The following TDRD9 variants were observed in gnomAD, a reference collection of about 807,000 sequenced individuals.
TDRD9 encodes the protein ATP-dependent RNA helicase TDRD9.
TDRD9 carries 124 observed loss-of-function variants against 172.6 expected under a neutral mutation model. That is an observed-to-expected ratio of 0.72 (90% confidence interval 0.62 to 0.83). The LOEUF (loss-of-function observed/expected upper bound fraction) is 0.83. TDRD9 is among the 40% of genes least tolerant of loss of function. The pLI is 0.00. For synonymous variants in TDRD9, 619 were observed against 617.1 expected (o/e 1.00, Z -0.05); for missense variants, 1,479 against 1,714.1 (o/e 0.86, Z 2.42).
At chr14:104,007,042 G>GA in intron 18 of TDRD9, 118 bp from the exon 19 acceptor site, 8 of 1,165,462 alleles carry the variant, frequency 6.9e-6, no homozygotes, top group Non-Finnish European at 9.7e-6. Context: ...GAAATTGATT[G>GA]AAAAAATTAA....
Position 104,041,258 on chromosome 14 carries a change from A to C in TDRD9, c.3856-811A>C, listed in dbSNP as rs74587883. Among the ~76,000 whole-genome samples, 99 of 152,342 alleles carry C rather than the reference A, an allele frequency of 6.5e-4. 2 individuals carry two copies. The East Asian group carries it at 0.018, about 28-fold the overall frequency. ...CCTTAAGCCATAGACCTAATGGGAA[A>C]ATGTAAAACTATTAAAGTGCTACAA... On this transcript the variant is annotated intron_variant, in intron 33 of 35. Coordinates refer to ENST00000409874, the MANE Select transcript of TDRD9 (RefSeq NM_153046.3).
intron 1 of TDRD9, among the ~76,000 whole-genome samples, chr14:103,937,869 A>ATTTTTTTTTTTTTTTTTTTTTTTTTTT (rs2030877082): frequency 7.6e-6 from 1 of 130,756 alleles, no homozygotes; most frequent in African/African-American, 2.8e-5. Flanking sequence ...TTTTTTTTTA[A>ATTTTTTTTTTTTTTTTTTTTTTTTTTT]TTTTCTTTTT....
rs1566748818 is a variant in TDRD9, at chr14:103,970,631, AT to A, written c.846+13del. 4 of 1,525,622 alleles carry A rather than the reference AT, an allele frequency of 2.6e-6. No individual in the cohort carries two copies. The South Asian group carries it at 3.6e-5, about 14-fold the overall frequency. 94.5% of individuals were successfully genotyped at this position (1,525,622 alleles called of 1,614,324 possible). On this transcript the variant is annotated intron_variant, in intron 6 of 35. Transcript: ENST00000409874. ...TTCACGTTTTGTGAAGGTAAATTTG[AT>A]TTCATGAGTAACAGACATATTTAGG...
At chr14:103,985,794 G>T (rs756736479) in intron 7 of TDRD9, among the ~76,000 whole-genome samples, 1 of 152,174 alleles carries the variant, frequency 6.6e-6, no homozygotes, top group Non-Finnish European at 1.5e-5. Context: ...CTTTTCACAC[G>T]TGAAATCTTA....
chr14:103,953,885 T>G (rs1175986080), intron 1 of TDRD9, among the ~76,000 whole-genome samples: 3 of 152,204 alleles, frequency 2.0e-5, no homozygotes, highest in Non-Finnish European at 4.4e-5. Context: ...GAGGCAGGTC[T>G]TCTTTACTCA....
Position 103,928,578 on chromosome 14 carries a change from G to A in TDRD9, c.69G>A (p.Val23=), listed in dbSNP as rs1223970860. 1.5e-6 allele frequency: 2 copies of A among 1,370,250 alleles called. No individual in the cohort carries two copies. The highest frequency in any genetic ancestry group is 1.5e-5 in the South Asian group (1 of 65,250). The allele number at this position is 1,370,250 out of a possible 1,614,324, so 84.9% of individuals were successfully genotyped here. A position where few individuals can be genotyped will look rare whatever the true frequency, so the allele number is the denominator to read the frequency against. The change falls in exon 1 of 36, where the codon GTG becomes GTA. Residue 23 remains valine (V), a synonymous_variant. Transcript: ENST00000409874. ...WFTIGKTVTN[V]ELLGAPPAFP... is the part of the protein sequence containing the mutation. ...CCATCGGCAAGACGGTGACCAATGT[G>A]GAGCTGCTGGGCGCGCCGCCCGCCT...
chr14:104,023,810 G>A (rs536882461), intron 24 of TDRD9, among the ~76,000 whole-genome samples: 28 of 152,280 alleles, frequency 1.8e-4, no homozygotes, highest in Admixed American at 4.6e-4. Context: ...TGAGAGTTTG[G>A]GAGTGTAGTG....
chr14:103,967,193 G>A (rs909705852), intron 5 of TDRD9, among the ~76,000 whole-genome samples: 1 of 151,866 alleles, frequency 6.6e-6, no homozygotes, highest in African/African-American at 2.4e-5. Flanking sequence ...GACAAGGGTA[G>A]GGTGTTTAAT....
At chr14:103,932,240 G>A (rs1464107838) in intron 1 of TDRD9, among the ~76,000 whole-genome samples, 2 of 152,206 alleles carry the variant, frequency 1.3e-5, no homozygotes, top group Admixed American at 6.5e-5. Flanking sequence ...AGCTGGGTTC[G>A]GATTGGGGTG....
chr14:104,040,355 C>T lies in TDRD9; in HGVS notation c.3855+21C>T, dbSNP rs569895517. On this transcript the variant is annotated intron_variant, in intron 33 of 35. Transcript: ENST00000409874. ...TCGAGGTAAGGGTAGTGCAGCATCA[C>T]GGCACCACAACCCTGTCTCTCTCTG... is the stretch of plus-strand genomic sequence containing the variant. The T allele has an allele frequency of 8.8e-5, 135 of 1,529,740 alleles. 2 individuals are homozygous for T. In the East Asian group the frequency reaches 2.2e-3, roughly 25 times the overall value. The allele number at this position is 1,529,740 out of a possible 1,614,324, so 94.8% of individuals were successfully genotyped here. A position where few individuals can be genotyped will look rare whatever the true frequency, so the allele number is the denominator to read the frequency against.
At chr14:104,047,381 G>A (rs1044086033) in intron 34 of TDRD9, among the ~76,000 whole-genome samples, 2 of 151,646 alleles carry the variant, frequency 1.3e-5, no homozygotes, top group African/African-American at 2.4e-5. Context: ...GATTCCTTAG[G>A]ATTTCCTACA....
At chr14:104,009,792 A>G (rs947130507) in intron 20 of TDRD9, among the ~76,000 whole-genome samples, 2 of 152,002 alleles carry the variant, frequency 1.3e-5, no homozygotes. Flanking sequence ...TTGAGCTAGG[A>G]TCTCACTCTG....
Position 104,006,529 on chromosome 14 carries a change from A to G in TDRD9, c.1854A>G (p.Gly618=). ...GKLIVLGHVF[G]CLDECLIIAA... is the part of the protein sequence containing the mutation. ...TCATAGTCCTTGGACATGTATTTGGATGTCTAGATGAATGTCTTATTATAG... is the reference window on the plus strand; with the variant it reads ...TCATAGTCCTTGGACATGTATTTGGGTGTCTAGATGAATGTCTTATTATAG... The change falls in exon 16 of 36, where the codon GGA becomes GGG. Residue 618 remains glycine (G), a synonymous_variant. Coordinates refer to ENST00000409874, the MANE Select transcript of TDRD9 (RefSeq NM_153046.3). 6.2e-7 allele frequency: 1 copy of G among 1,613,830 alleles called. No individual in the cohort carries two copies.
intron 6 of TDRD9, among the ~76,000 whole-genome samples, chr14:103,972,827 G>C (rs1397395020): frequency 6.6e-6 from 1 of 152,182 alleles, no homozygotes; most frequent in Non-Finnish European, 1.5e-5. Flanking sequence ...AATGGAACTC[G>C]ACACTTGCAA....
chr14:104,023,642 G>T (rs920797525), intron 24 of TDRD9, among the ~76,000 whole-genome samples: 2 of 152,230 alleles, frequency 1.3e-5, no homozygotes, highest in African/African-American at 4.8e-5. Flanking sequence ...TTGCCTTTTG[G>T]CCATATCCCC....
intron 1 of TDRD9, among the ~76,000 whole-genome samples, chr14:103,931,297 T>TAAA (rs1395417166): frequency 8.9e-6 from 1 of 112,188 alleles, no homozygotes; most frequent in Admixed American, 1.0e-4. Flanking sequence ...AGACCCTGTC[T>TAAA]CAAAAAAAAA....
intron 1 of TDRD9, among the ~76,000 whole-genome samples, chr14:103,935,541 C>T (rs1391333446): frequency 1.1e-4 from 17 of 152,170 alleles, no homozygotes; most frequent in Admixed American, 1.1e-3. Flanking sequence ...GCCTGTTAGA[C>T]AGCAGTACAT....
intron 3 of TDRD9, among the ~76,000 whole-genome samples, chr14:103,964,318 A>G (rs1024387441): frequency 6.6e-6 from 1 of 152,242 alleles, no homozygotes; most frequent in Non-Finnish European, 1.5e-5. Context: ...AAACCACTTG[A>G]ATGTAGTAAC....
intron 2 of TDRD9, among the ~76,000 whole-genome samples, chr14:103,960,290 C>T (rs953088717): frequency 4.6e-5 from 7 of 152,056 alleles, no homozygotes. Context: ...TGTTTAGAAC[C>T]TCTAGGTGCT....
Sources: allele counts gnomAD v4.1 joint callset (sites outside exome capture counted in the v4.1 genomes callset), GRCh38; gene constraint gnomAD v4.1.1; transcripts MANE v1.5; gene names NCBI Gene and HGNC (gene_info 2026-07-23, HGNC 2026-07-21).